The following MALRD1 variants were observed in gnomAD, a reference collection of about 807,000 sequenced individuals.
The protein encoded by MALRD1 is MAM and LDL-receptor class A domain-containing protein 1.
Under a neutral mutation model 242.1 loss-of-function variants are expected in MALRD1, and 247 were observed. That is an observed-to-expected ratio of 1.02 (90% CI 0.92 to 1.13). The LOEUF (loss-of-function observed/expected upper bound fraction) is 1.13. Among genes scored for constraint, MALRD1 ranks in the 50% most tolerant of loss-of-function variants. The pLI is 0.00. For missense variants in MALRD1, 2,989 were observed against 2,533.1 expected, an observed-to-expected ratio of 1.18 and a Z score of -3.86; for synonymous variants, 995 against 866.6, an observed-to-expected ratio of 1.15 and a Z score of -2.60.
At chr10:19,471,710 T>C (rs1209636369) in intron 29 of MALRD1, among the ~76,000 whole-genome samples, 1 of 151,632 alleles carries the variant, frequency 6.6e-6, no homozygotes, top group African/African-American at 2.4e-5. Context: ...GCCTAATTTC[T>C]TTTTCATATA....
chr10:19,421,400 T>C (rs569290854), intron 28 of MALRD1, among the ~76,000 whole-genome samples: 1 of 152,248 alleles, frequency 6.6e-6, no homozygotes, highest in African/African-American at 2.4e-5. Flanking sequence ...AAGTAGGGAA[T>C]AACAAGTAAC....
chr10:19,421,222 T>A (rs1319408126), intron 28 of MALRD1, among the ~76,000 whole-genome samples: 1 of 152,208 alleles, frequency 6.6e-6, no homozygotes, highest in Non-Finnish European at 1.5e-5. Context: ...TGTATGTGTA[T>A]GTGTGCATGT....
chr10:19,455,348 A>G (rs1210574521), intron 29 of MALRD1, among the ~76,000 whole-genome samples: 4 of 152,216 alleles, frequency 2.6e-5, no homozygotes. Context: ...TCTTAAGTAC[A>G]GTCATTCACC....
At chr10:19,699,850 A>G (rs754902404) in intron 38 of MALRD1, among the ~76,000 whole-genome samples, 81 of 152,062 alleles carry the variant, frequency 5.3e-4, no homozygotes, top group Non-Finnish European at 9.4e-4. Flanking sequence ...GCACCAAGTC[A>G]TGAGGGATCT....
At chr10:19,598,574 T>C (rs1255994590) in intron 34 of MALRD1, 3 of 152,070 alleles carry the variant, frequency 2.0e-5, no homozygotes, top group Non-Finnish European at 2.9e-5. Flanking sequence ...GAAGAACATG[T>C]TGGGGGAAGA....
chr10:19,264,672 C>G (rs1019399634), intron 19 of MALRD1, among the ~76,000 whole-genome samples: 2 of 152,232 alleles, frequency 1.3e-5, no homozygotes, highest in African/African-American at 4.8e-5. Flanking sequence ...CCAGGATGGT[C>G]TCGATCTCCT....
intron 29 of MALRD1, among the ~76,000 whole-genome samples, chr10:19,466,228 C>G (rs992507581): frequency 1.3e-5 from 2 of 151,874 alleles, no homozygotes; most frequent in Non-Finnish European, 2.9e-5. Flanking sequence ...CTATATTAAC[C>G]TTTTTTATAA....
chr10:19,301,559 G>T (rs964083527), intron 21 of MALRD1, among the ~76,000 whole-genome samples: 1 of 151,848 alleles, frequency 6.6e-6, no homozygotes, highest in Non-Finnish European at 1.5e-5. Flanking sequence ...CATGCCCTTT[G>T]CAGTGACAGG....
At position 19,730,665 on chromosome 10, in the gene MALRD1, G is replaced by A; in HGVS notation, c.6315-41G>A. 3 of 1,515,924 alleles carry A rather than the reference G, an allele frequency of 2.0e-6. No individual in the cohort carries two copies. The South Asian group carries it at 3.6e-5, about 18-fold the overall frequency. 93.9% of individuals were successfully genotyped at this position (1,515,924 alleles called of 1,614,324 possible). On this transcript the variant is annotated intron_variant, in intron 38 of 39. Transcript: ENST00000454679. Reference sequence around the variant, plus strand: ...AACCTGAAAATGTACTATGGTAAATGTCAATAGTTTTTTATTTTTGATGGC... The same window carrying A: ...AACCTGAAAATGTACTATGGTAAATATCAATAGTTTTTTATTTTTGATGGC...
At chr10:19,092,777 G>T (rs1387732696) in intron 4 of MALRD1, among the ~76,000 whole-genome samples, 5 of 51,276 alleles carry the variant, frequency 9.8e-5, no homozygotes, top group African/African-American at 4.7e-4. Flanking sequence ...CTCTTTTAGG[G>T]CAGGCCTGGT....
At chr10:19,240,752 C>G (rs1009341315) in intron 18 of MALRD1, among the ~76,000 whole-genome samples, 6 of 151,998 alleles carry the variant, frequency 3.9e-5, no homozygotes, top group African/African-American at 1.2e-4. Context: ...TACCTACTTT[C>G]TTGACAGTTT....
intron 35 of MALRD1, among the ~76,000 whole-genome samples, chr10:19,613,715 C>T (rs1429964061): frequency 6.6e-6 from 1 of 152,064 alleles, no homozygotes; most frequent in African/African-American, 2.4e-5. Context: ...AATCTTGGCC[C>T]TGCTGGGCCG....
chr10:19,697,795 T>C (rs1833446406), intron 38 of MALRD1, among the ~76,000 whole-genome samples: 1 of 152,194 alleles, frequency 6.6e-6, no homozygotes, highest in South Asian at 2.1e-4. Context: ...TCTTACCTTC[T>C]TTCTTTGCCA....
intron 36 of MALRD1, among the ~76,000 whole-genome samples, chr10:19,686,489 C>T (rs576227085): frequency 6.6e-6 from 1 of 152,174 alleles, no homozygotes; most frequent in South Asian, 2.1e-4. Flanking sequence ...TTAGTGTGCA[C>T]GTGTGAGCCC....
At chr10:19,465,914 C>A (rs1836197514) in intron 29 of MALRD1, among the ~76,000 whole-genome samples, 1 of 152,154 alleles carries the variant, frequency 6.6e-6, no homozygotes, top group African/African-American at 2.4e-5. Context: ...CCATCAGGTT[C>A]CTTTCCTTTT....
At chr10:19,233,867 G>A (rs1057078138) in intron 18 of MALRD1, among the ~76,000 whole-genome samples, 3 of 151,566 alleles carry the variant, frequency 2.0e-5, no homozygotes, top group Non-Finnish European at 4.4e-5. Flanking sequence ...TAATGGGGGA[G>A]TGTTGCATTT....
At chr10:19,629,135 C>G (rs148119181) in intron 36 of MALRD1, among the ~76,000 whole-genome samples, 145 of 152,278 alleles carry the variant, frequency 9.5e-4, no homozygotes, top group African/African-American at 3.4e-3. Flanking sequence ...TCCCAAAAAG[C>G]AAGCCTCGTG....
At chr10:19,294,498 C>G (rs1564537610) in intron 21 of MALRD1, among the ~76,000 whole-genome samples, 2 of 152,106 alleles carry the variant, frequency 1.3e-5, no homozygotes, top group Non-Finnish European at 2.9e-5. Context: ...CTAGGCATAC[C>G]ATTTATCCTT....
intron 36 of MALRD1, among the ~76,000 whole-genome samples, chr10:19,685,228 T>G (rs1842533251): frequency 6.6e-6 from 1 of 152,178 alleles, no homozygotes; most frequent in Admixed American, 6.5e-5. Context: ...TAAGAACTTT[T>G]CTTTATCTTT....
Sources: gnomAD v4.1 joint callset for allele counts (sites outside exome capture counted in the v4.1 genomes callset) on GRCh38, gnomAD v4.1.1 for gene constraint, MANE v1.5 for transcripts, NCBI Gene and HGNC (gene_info 2026-07-23, HGNC 2026-07-21) for gene names.